TRIM22: variants seen among roughly 807,000 people sequenced by gnomAD.
TRIM22 encodes the protein E3 ubiquitin-protein ligase TRIM22.
A neutral mutation model predicts 53.6 loss-of-function variants in TRIM22; 45 were observed. That is an observed-to-expected ratio of 0.84 (90% CI 0.66 to 1.08). The LOEUF (loss-of-function observed/expected upper bound fraction) is 1.08, where lower values mean the gene tolerates loss of function less well. TRIM22 is among the 50% of genes least tolerant of loss of function. TRIM22 has a pLI of 0.00. For synonymous variants in TRIM22, 225 were observed against 216.6 expected, an observed-to-expected ratio of 1.04 and a Z score of -0.34; for missense variants, 616 against 590.9, an observed-to-expected ratio of 1.04 and a Z score of -0.44.
At position 5,696,920 on chromosome 11, in the gene TRIM22, CAAG is replaced by C. The variant is rs1853273712; in HGVS notation, c.423+271_423+273del. ...GTAAGATAAGCTTTCATTGCCCCTCCAAGAAGAACAGTATTTTTGGGAACACGT... is the reference window on the plus strand; with the variant it reads ...GTAAGATAAGCTTTCATTGCCCCTCCAAGAACAGTATTTTTGGGAACACGT... On this transcript the variant is annotated intron_variant, in intron 2 of 7. Coordinates refer to ENST00000379965, the MANE Select transcript of TRIM22 (RefSeq NM_006074.5). 1.7e-5 allele frequency: 9 copies of C among 522,260 alleles called. No individual in the cohort carries two copies. In the East Asian group the frequency reaches 2.8e-4, roughly 16 times the overall value. The allele number at this position is 522,260 out of a possible 1,614,324, so 32.4% of individuals were successfully genotyped here.
At chr11:5,705,826 A>T (rs1383078699) in intron 4 of TRIM22, among the ~76,000 whole-genome samples, 1 of 152,200 alleles carries the variant, frequency 6.6e-6, no homozygotes. Context: ...GTTGGGAAAT[A>T]GTAAGTTACA....
In TRIM22 at chr11:5,698,424, T is replaced by A; in HGVS notation, c.629T>A (p.Val210Glu). 6.2e-7 allele frequency: 1 copy of A among 1,614,078 alleles called. No individual in the cohort carries two copies. Among genetic ancestry groups the A allele is most frequent in the Non-Finnish European group, 8.5e-7 (1 of 1,179,998 alleles). ...CTGCAAAAGCTGGAGGAAGGTGAGG[T>A]GAATGTGCTGGATAACCTGGCAGCA... ...RELQKLEEGE[V>E]NVLDNLAAAT... Residue 210 changes from valine to glutamate, a missense_variant, in exon 4 of 8, where the codon GTG becomes GAG. Coordinates refer to ENST00000379965, the MANE Select transcript of TRIM22 (RefSeq NM_006074.5).
chr11:5,702,153 TATTA>T (rs1853383368), intron 4 of TRIM22, among the ~76,000 whole-genome samples: 1 of 145,764 alleles, frequency 6.9e-6, no homozygotes, highest in Admixed American at 6.9e-5. Context: ...AACGAATATA[TATTA>T]GTTATATATT....
chr11:5,697,018 G>A (rs114889464), intron 2 of TRIM22: 62 of 513,928 alleles, frequency 1.2e-4, no homozygotes, highest in African/African-American at 9.4e-4. Flanking sequence ...TTTTTCTCTA[G>A]GAAAAGAATC....
chr11:5,690,498 T>G (rs1197793576), intron 1 of TRIM22, among the ~76,000 whole-genome samples: 1 of 152,108 alleles, frequency 6.6e-6, no homozygotes, highest in Non-Finnish European at 1.5e-5. Context: ...TAACTAATCT[T>G]CTTCCAAAAT....
chr11:5,700,865 C>T (rs1186746169), intron 4 of TRIM22, among the ~76,000 whole-genome samples: 1 of 151,794 alleles, frequency 6.6e-6, no homozygotes, highest in Non-Finnish European at 1.5e-5. Context: ...CTCAGATGCA[C>T]CCGGCCGAGA....
intron 4 of TRIM22, among the ~76,000 whole-genome samples, chr11:5,705,845 C>T (rs1853449715): frequency 6.6e-6 from 1 of 152,018 alleles, no homozygotes; most frequent in African/African-American, 2.4e-5. Flanking sequence ...CATTTAAGAC[C>T]TACTCAGTTA....
At chr11:5,699,650 A>C (rs538278964) in intron 4 of TRIM22, among the ~76,000 whole-genome samples, 7 of 151,250 alleles carry the variant, frequency 4.6e-5, no homozygotes, top group Non-Finnish European at 1.0e-4. Flanking sequence ...TATGAGTAAC[A>C]ATACAAAAGC....
rs181042537 is a variant in TRIM22, at chr11:5,694,437, A to G, written c.-66-1730A>G. On this transcript the variant is annotated intron_variant, in intron 1 of 7. Coordinates refer to ENST00000379965, the MANE Select transcript of TRIM22 (RefSeq NM_006074.5). ...AAATTTCAACATTTAAAACCACAGC[A>G]TGCCCCAGAACTACATAGCTGGTCT... Among the ~76,000 whole-genome samples the G allele has an allele frequency of 3.9e-4, 60 of 152,324 alleles. 1 individual carries two copies. The highest frequency in any genetic ancestry group is 6.9e-4 in the Non-Finnish European group (47 of 68,024).
chr11:5,698,676 C>T, intron 4 of TRIM22, 131 bp downstream of exon 4: 1 of 683,150 alleles, frequency 1.5e-6, no homozygotes, highest in East Asian at 2.7e-5. Flanking sequence ...CCCGGCATGC[C>T]CCTTTTATGC....
intron 1 of TRIM22, among the ~76,000 whole-genome samples, chr11:5,690,655 T>C (rs1282817615): frequency 6.6e-6 from 1 of 152,166 alleles, no homozygotes; most frequent in Non-Finnish European, 1.5e-5. Context: ...GATCAGGCTA[T>C]TTGAAGAGAA....
At chr11:5,691,796 TCA>T (rs1193363487) in intron 1 of TRIM22, among the ~76,000 whole-genome samples, 1 of 152,216 alleles carries the variant, frequency 6.6e-6, no homozygotes, top group African/African-American at 2.4e-5. Flanking sequence ...GATGCCTATG[TCA>T]CCCATATTCT....
In TRIM22 at chr11:5,710,801, G is replaced by C. The variant is rs1853548748; in HGVS notation, c.*1153G>C. 6.6e-6 allele frequency: 1 copy of C among 151,990 alleles called. No individual in the cohort carries two copies. The highest frequency in any genetic ancestry group is 1.5e-5 in the Non-Finnish European group (1 of 67,990). 9.4% of individuals were successfully genotyped at this position (151,990 alleles called of 1,614,324 possible). A position where few individuals can be genotyped will look rare whatever the true frequency, so the allele number is the denominator to read the frequency against. On this transcript the variant is annotated 3_prime_UTR_variant, in exon 8 of 8. Transcript: ENST00000379965. ...AGATGTCAGCCATTTCAATGTCTTG[G>C]GAAACAATTTTTTGTTTTTGTTCTG... is the stretch of plus-strand genomic sequence containing the variant.
At chr11:5,697,172 A>G (rs143976546) in intron 2 of TRIM22, 76 bp from the exon 3 acceptor site, 18,542 of 1,157,340 alleles carry the variant, frequency 0.016, 197 homozygotes, top group Middle Eastern at 0.03. Context: ...GAGCCATCCA[A>G]TTTCTTCCTT....
chr11:5,702,495 G>A (rs1454477269), intron 4 of TRIM22, among the ~76,000 whole-genome samples: 1 of 149,222 alleles, frequency 6.7e-6, no homozygotes, highest in East Asian at 1.9e-4. Context: ...TATATATAAA[G>A]GCTTAGTGGT....
chr11:5,705,446 T>C (rs1484837637), intron 4 of TRIM22, among the ~76,000 whole-genome samples: 1 of 152,200 alleles, frequency 6.6e-6, no homozygotes, highest in Non-Finnish European at 1.5e-5. Context: ...AAATTATACT[T>C]GACCCCTTGA....
rs183348296 is a variant in TRIM22 at position 5,695,480 on chromosome 11, T to C, written c.-66-687T>C. Reference sequence around the variant, plus strand: ...ACACCAAAGACATATATTATGATTCTATTTTTATCAACTGATTAAAAACCC... The same window carrying C: ...ACACCAAAGACATATATTATGATTCCATTTTTATCAACTGATTAAAAACCC... On this transcript the variant is annotated intron_variant, in intron 1 of 7. Coordinates refer to ENST00000379965, the MANE Select transcript of TRIM22 (RefSeq NM_006074.5). Among the ~76,000 whole-genome samples the C allele has an allele frequency of 6.7e-3, 1,013 of 152,096 alleles. 18 individuals are homozygous for C. The highest frequency in any genetic ancestry group is 0.023 in the African/African-American group (968 of 41,502).
chr11:5,692,793 C>CAAAA (rs749260436), intron 1 of TRIM22, among the ~76,000 whole-genome samples: 3,243 of 95,568 alleles, frequency 0.034, 156 homozygotes, highest in African/African-American at 0.11. Context: ...GACCTTGTCT[C>CAAAA]AAAAAAAAAA....
chr11:5,694,464 G>A (rs946065883), intron 1 of TRIM22, among the ~76,000 whole-genome samples: 1 of 152,136 alleles, frequency 6.6e-6, no homozygotes, highest in African/African-American at 2.4e-5. Context: ...AGCTGGTCTG[G>A]ATCTCTCCAT....
Sources: allele counts gnomAD v4.1 joint callset (sites outside exome capture counted in the v4.1 genomes callset), GRCh38; gene constraint gnomAD v4.1.1; transcripts MANE v1.5; gene names NCBI Gene and HGNC (gene_info 2026-07-23, HGNC 2026-07-21).